DIPK1C: variants seen among roughly 807,000 people sequenced by gnomAD.
DIPK1C encodes the protein familial non-conventional Alzheimer's dementia.
In DIPK1C, 33 loss-of-function variants were observed where a neutral mutation model predicts 28.0. That is an observed-to-expected ratio of 1.18 (90% CI 0.89 to 1.58). The LOEUF (loss-of-function observed/expected upper bound fraction) is 1.58, where lower values mean the gene tolerates loss of function less well. Among genes scored for constraint, DIPK1C ranks in the 40% most tolerant of loss-of-function variants. DIPK1C has a pLI of 0.00. For missense variants in DIPK1C, 569 were observed against 568.5 expected (o/e 1.00, Z -0.01); for synonymous variants, 255 against 248.8 (o/e 1.02, Z -0.23).
chr18:74,454,839 A>G (rs570504912), intron 1 of DIPK1C, among the ~76,000 whole-genome samples: 15 of 123,244 alleles, frequency 1.2e-4, no homozygotes, highest in African/African-American at 4.3e-4. Flanking sequence ...TGGATCTCGC[A>G]TCAACACATC....
rs755425746 is a variant in DIPK1C, at chr18:74,442,126, A to C, written c.877-10T>G. ...CATCAATAGCCACCACCTGTAATCA[A>C]AACAGCACGGGGCTATCAAAGGGCT... On this transcript the variant is annotated splice_polypyrimidine_tract_variant and intron_variant, in intron 2 of 3. Transcript: ENST00000343998. 51 of 1,613,698 alleles carry C rather than the reference A, an allele frequency of 3.2e-5. 1 individual carries two copies. The South Asian group carries it at 5.6e-4, about 18-fold the overall frequency.
chr18:74,441,497 C>T (rs1319838782), intron 3 of DIPK1C, among the ~76,000 whole-genome samples: 1 of 152,194 alleles, frequency 6.6e-6, no homozygotes, highest in East Asian at 1.9e-4. Flanking sequence ...CTCCTTTCTT[C>T]CTGTCTAAAC....
the DIPK1C span, among the ~76,000 whole-genome samples, chr18:74,464,017 A>T: frequency 6.6e-6 from 1 of 152,204 alleles, no homozygotes; most frequent in East Asian, 1.9e-4. Flanking sequence ...TTACCAAAGG[A>T]TCAGGTGGTT....
chr18:74,461,408 CTT>C (rs71901950), upstream of DIPK1C, among the ~76,000 whole-genome samples: 67 of 135,520 alleles, frequency 4.9e-4, no homozygotes, highest in East Asian at 5.7e-3. Context: ...TTCTCTTTCT[CTT>C]TTTTTTTTTT....
chr18:74,462,267 C>T (rs929639134), upstream of DIPK1C, among the ~76,000 whole-genome samples: 23 of 152,190 alleles, frequency 1.5e-4, no homozygotes, highest in African/African-American at 5.6e-4. Flanking sequence ...CACTTCCAGC[C>T]CCAGGCAACT....
the DIPK1C span, among the ~76,000 whole-genome samples, chr18:74,463,747 G>T: frequency 6.6e-6 from 1 of 152,188 alleles, no homozygotes; most frequent in Non-Finnish European, 1.5e-5. Context: ...CCTAGGATTT[G>T]TCATTTCTCT....
At chr18:74,445,420 G>A (rs1986237789) in intron 2 of DIPK1C, among the ~76,000 whole-genome samples, 1 of 152,236 alleles carries the variant, frequency 6.6e-6, no homozygotes, top group African/African-American at 2.4e-5. Flanking sequence ...AGGGGGCAAG[G>A]CATTAGGACA....
At chr18:74,451,768 G>A (rs1234671073) in intron 1 of DIPK1C, among the ~76,000 whole-genome samples, 1 of 152,188 alleles carries the variant, frequency 6.6e-6, no homozygotes, top group Non-Finnish European at 1.5e-5. Context: ...GACCAGACCT[G>A]CCAGCTTCCA....
At chr18:74,449,380 G>C (rs955017577) in intron 1 of DIPK1C, among the ~76,000 whole-genome samples, 1 of 152,234 alleles carries the variant, frequency 6.6e-6, no homozygotes, top group Admixed American at 6.5e-5. Context: ...CAAAACAGCA[G>C]ATAAGAGAGG....
chr18:74,446,551 C>T (rs1355911641), intron 2 of DIPK1C, 55 bp downstream of exon 2: 1 of 1,373,460 alleles, frequency 7.3e-7, no homozygotes, highest in Non-Finnish European at 9.5e-7. Flanking sequence ...TTCCTTCCCT[C>T]CAGACCCGAG....
chr18:74,449,821 C>A (rs770873261), intron 1 of DIPK1C, among the ~76,000 whole-genome samples: 1 of 152,206 alleles, frequency 6.6e-6, no homozygotes, highest in Non-Finnish European at 1.5e-5. Flanking sequence ...GAGTTGTGCA[C>A]CTCCTGTGTT....
intron 3 of DIPK1C, among the ~76,000 whole-genome samples, chr18:74,440,005 T>C (rs888732921): frequency 2.0e-5 from 3 of 150,636 alleles, no homozygotes; most frequent in East Asian, 3.9e-4. Flanking sequence ...AGTGCAGTGA[T>C]GCAATCTCGG....
At chr18:74,444,506 C>T (rs866970950) in intron 2 of DIPK1C, among the ~76,000 whole-genome samples, 1 of 152,220 alleles carries the variant, frequency 6.6e-6, no homozygotes, top group Non-Finnish European at 1.5e-5. Context: ...ATATGAGAAT[C>T]GACTAGAAGC....
intron 3 of DIPK1C, among the ~76,000 whole-genome samples, chr18:74,441,114 C>G (rs1250235816): frequency 6.6e-6 from 1 of 152,184 alleles, no homozygotes; most frequent in Non-Finnish European, 1.5e-5. Flanking sequence ...CCCACCTTAC[C>G]TGCGTTTTGG....
At chr18:74,441,453 T>G (rs1740580764) in intron 3 of DIPK1C, among the ~76,000 whole-genome samples, 1 of 152,178 alleles carries the variant, frequency 6.6e-6, no homozygotes, top group Non-Finnish European at 1.5e-5. Flanking sequence ...GAACCCTGTA[T>G]GTATTCCACT....
intron 3 of DIPK1C, among the ~76,000 whole-genome samples, chr18:74,441,389 A>G (rs1256948201): frequency 2.6e-5 from 4 of 152,158 alleles, no homozygotes; most frequent in African/African-American, 7.2e-5. Flanking sequence ...CCAAAAGAAG[A>G]GAGATGATCC....
intron 1 of DIPK1C, among the ~76,000 whole-genome samples, chr18:74,449,625 G>A (rs1229642508): frequency 6.6e-6 from 1 of 152,200 alleles, no homozygotes; most frequent in Non-Finnish European, 1.5e-5. Flanking sequence ...GCGGGGATGA[G>A]GGGGGTCTTG....
intron 3 of DIPK1C, among the ~76,000 whole-genome samples, chr18:74,440,780 G>A (rs1986105262): frequency 6.6e-6 from 1 of 152,358 alleles, no homozygotes; most frequent in Admixed American, 6.5e-5. Context: ...TCGCAAGGCG[G>A]TGGATGCTCA....
At chr18:74,444,982 C>T (rs1986227320) in intron 2 of DIPK1C, among the ~76,000 whole-genome samples, 1 of 152,204 alleles carries the variant, frequency 6.6e-6, no homozygotes, top group Admixed American at 6.5e-5. Context: ...GTCGCCCACT[C>T]GGCATCACAG....
Sources: allele counts gnomAD v4.1 joint callset (sites outside exome capture counted in the v4.1 genomes callset), GRCh38; gene constraint gnomAD v4.1.1; transcripts MANE v1.5; gene names NCBI Gene and HGNC (gene_info 2026-07-23, HGNC 2026-07-21).